PKIB: variants seen among roughly 807,000 people sequenced by gnomAD.
PKIB encodes the protein PKI-beta.
In PKIB, 2 loss-of-function variants were observed where a neutral mutation model predicts 4.5. That is an observed-to-expected ratio of 0.44 (90% confidence interval 0.18 to 1.39). The LOEUF is 1.39. Among genes scored for constraint, PKIB ranks in the 40% most tolerant of loss-of-function variants. The pLI is 0.27. For missense variants in PKIB, 94 were observed against 92.6 expected (o/e 1.02, Z -0.06); for synonymous variants, 38 against 36.0 (o/e 1.06, Z -0.20).
chr6:122,597,448 C>G (rs1479965649), intron 3 of PKIB, among the ~76,000 whole-genome samples: 2 of 152,166 alleles, frequency 1.3e-5, no homozygotes, highest in African/African-American at 2.4e-5. Flanking sequence ...ATGTGTTAAT[C>G]TGCTTAACTA....
At chr6:122,718,198 A>G (rs1225624855) in intron 4 of PKIB, among the ~76,000 whole-genome samples, 3 of 152,178 alleles carry the variant, frequency 2.0e-5, no homozygotes, top group East Asian at 1.9e-4. Flanking sequence ...TATTCATTGC[A>G]TGTGTATAGT....
chr6:122,519,913 T>C (rs1230155538), intron 2 of PKIB, among the ~76,000 whole-genome samples: 2 of 152,228 alleles, frequency 1.3e-5, no homozygotes, highest in East Asian at 3.9e-4. Flanking sequence ...TACAATACCC[T>C]AATCTTTTCT....
At chr6:122,520,204 T>A (rs1776891374) in intron 2 of PKIB, among the ~76,000 whole-genome samples, 1 of 152,200 alleles carries the variant, frequency 6.6e-6, no homozygotes, top group Non-Finnish European at 1.5e-5. Flanking sequence ...ATTGGTCAAT[T>A]TGATATATTT....
intron 2 of PKIB, among the ~76,000 whole-genome samples, chr6:122,537,887 G>A (rs1309253309): frequency 6.6e-6 from 1 of 151,776 alleles, no homozygotes; most frequent in Non-Finnish European, 1.5e-5. Flanking sequence ...GTGTGAGATG[G>A]TATCTCATTA....
At chr6:122,703,409 A>G (rs1014157028) in intron 3 of PKIB, among the ~76,000 whole-genome samples, 41 of 152,170 alleles carry the variant, frequency 2.7e-4, no homozygotes, top group African/African-American at 9.7e-4. Flanking sequence ...AAAAGACTGA[A>G]AGCAAACAGT....
At chr6:122,547,457 T>C (rs1411321437) in intron 2 of PKIB, among the ~76,000 whole-genome samples, 2 of 152,036 alleles carry the variant, frequency 1.3e-5, no homozygotes, top group Non-Finnish European at 2.9e-5. Flanking sequence ...TGCCTCAGCC[T>C]CCCTGGTAGC....
At chr6:122,524,767 C>T (rs1013042957) in intron 2 of PKIB, among the ~76,000 whole-genome samples, 4 of 151,756 alleles carry the variant, frequency 2.6e-5, no homozygotes, top group Non-Finnish European at 5.9e-5. Context: ...TTGGTATGTA[C>T]TTGCTTATGT....
At chr6:122,591,777 T>C (rs1023060224) in intron 3 of PKIB, among the ~76,000 whole-genome samples, 1 of 152,056 alleles carries the variant, frequency 6.6e-6, no homozygotes, top group African/African-American at 2.4e-5. Flanking sequence ...AGTGGCATGA[T>C]CATGGCTCAC....
chr6:122,568,430 A>G (rs1773256076), intron 2 of PKIB, among the ~76,000 whole-genome samples: 1 of 152,210 alleles, frequency 6.6e-6, no homozygotes, highest in South Asian at 2.1e-4. Flanking sequence ...CTGCCTCCAG[A>G]GGACATATCC....
At chr6:122,602,895 G>T (rs1236689957) in intron 3 of PKIB, among the ~76,000 whole-genome samples, 2 of 147,606 alleles carry the variant, frequency 1.4e-5, no homozygotes, top group African/African-American at 5.0e-5. Context: ...GGCAGAAGTT[G>T]CAGCGAGCCG....
intron 3 of PKIB, among the ~76,000 whole-genome samples, chr6:122,703,904 C>A (rs980459252): frequency 1.4e-5 from 2 of 142,404 alleles, no homozygotes; most frequent in African/African-American, 2.6e-5. Flanking sequence ...ATATAAAAAA[C>A]GCTATATATA....
chr6:122,680,013 CAT>C (rs1339308079), intron 3 of PKIB, among the ~76,000 whole-genome samples: 1 of 152,180 alleles, frequency 6.6e-6, no homozygotes, highest in Non-Finnish European at 1.5e-5. Context: ...TCCTTTGACA[CAT>C]ATAATTCTGT....
In PKIB at chr6:122,539,090, A is replaced by G. The variant is rs562546470; in HGVS notation, c.-247-46831A>G. 6.6e-5 allele frequency among the ~76,000 whole-genome samples: 10 copies of G among 152,210 alleles called. No homozygotes were observed. In the South Asian group the frequency reaches 1.7e-3, roughly 25 times the overall value. On this transcript the variant is annotated intron_variant, in intron 2 of 6. Coordinates refer to the PKIB transcript ENST00000392491. ...CTTAAGGAGATTTTGGGCTGAGACA[A>G]TGGGGTTTTCTAGATATACAATCAA...
intron 1 of PKIB, among the ~76,000 whole-genome samples, chr6:122,620,723 T>C (rs544663486): frequency 6.6e-6 from 1 of 152,324 alleles, no homozygotes; most frequent in East Asian, 1.9e-4. Flanking sequence ...TCCTATTTAA[T>C]TTTTTAATTA....
At chr6:122,543,472 C>T (rs745555007) in intron 2 of PKIB, among the ~76,000 whole-genome samples, 4 of 151,696 alleles carry the variant, frequency 2.6e-5, no homozygotes, top group Admixed American at 6.6e-5. Context: ...CTCCACCTCC[C>T]AGGTTCAAGT....
At chr6:122,720,620 C>T (rs1431570408) in intron 4 of PKIB, among the ~76,000 whole-genome samples, 1 of 151,516 alleles carries the variant, frequency 6.6e-6, no homozygotes, top group Non-Finnish European at 1.5e-5. Flanking sequence ...TCTAAATGGA[C>T]AAGTCAATGA....
At chr6:122,496,444 G>A (rs558616808) in intron 2 of PKIB, among the ~76,000 whole-genome samples, 1 of 152,272 alleles carries the variant, frequency 6.6e-6, no homozygotes, top group East Asian at 1.9e-4. Flanking sequence ...AAGGAAACTT[G>A]ATGAAATCCA....
chr6:122,613,745 C>G (rs971752139), intron 1 of PKIB, among the ~76,000 whole-genome samples: 7 of 151,858 alleles, frequency 4.6e-5, no homozygotes, highest in African/African-American at 1.5e-4. Context: ...GTGGGCGGAT[C>G]ACAAGGTCAA....
intron 3 of PKIB, among the ~76,000 whole-genome samples, chr6:122,586,892 A>C (rs1347268219): frequency 6.6e-6 from 1 of 152,178 alleles, no homozygotes; most frequent in Non-Finnish European, 1.5e-5. Flanking sequence ...AGCAACTGTT[A>C]TAACAAATTT....
Sources: gnomAD v4.1 joint callset for allele counts (sites outside exome capture counted in the v4.1 genomes callset) on GRCh38, gnomAD v4.1.1 for gene constraint, MANE v1.5 for transcripts, NCBI Gene and HGNC (gene_info 2026-07-23, HGNC 2026-07-21) for gene names.